Variants in SNTG2 observed in about 807,000 individuals in gnomAD.
The protein encoded by SNTG2 is gamma-2-syntrophin.
SNTG2 carries 74 observed loss-of-function variants against 70.9 expected under a neutral mutation model. The observed-to-expected ratio is 1.04, with a 90% CI of 0.86 to 1.27. The LOEUF (loss-of-function observed/expected upper bound fraction) is 1.27. SNTG2 is among the 50% of genes most tolerant of loss of function. The pLI is 0.00. For synonymous variants in SNTG2, 278 were observed against 273.8 expected, an observed-to-expected ratio of 1.02 and a Z score of -0.15; for missense variants, 717 against 690.7, an observed-to-expected ratio of 1.04 and a Z score of -0.43.
At chr2:1,140,669 GA>G (rs891134353) in intron 6 of SNTG2, among the ~76,000 whole-genome samples, 28 of 152,302 alleles carry the variant, frequency 1.8e-4, no homozygotes, top group African/African-American at 6.7e-4. Context: ...ATCACCCCAG[GA>G]TATCTCAGCG....
At chr2:1,304,103 A>G (rs945658004) in intron 14 of SNTG2, among the ~76,000 whole-genome samples, 1 of 152,250 alleles carries the variant, frequency 6.6e-6, no homozygotes, top group Non-Finnish European at 1.5e-5. Context: ...TGAAGCAAGC[A>G]TTAATTACCC....
intron 6 of SNTG2, among the ~76,000 whole-genome samples, chr2:1,158,856 G>A (rs1300603808): frequency 4.6e-5 from 7 of 152,194 alleles, no homozygotes; most frequent in African/African-American, 1.7e-4. Context: ...GGAGCACACC[G>A]GAAGACAGGA....
chr2:1,349,694 G>T (rs1660479720), intron 16 of SNTG2, among the ~76,000 whole-genome samples: 1 of 152,180 alleles, frequency 6.6e-6, no homozygotes, highest in African/African-American at 2.4e-5. Flanking sequence ...GGCAGTTTCA[G>T]TCTCTCTTGT....
intron 2 of SNTG2, among the ~76,000 whole-genome samples, chr2:1,087,731 C>T (rs961167874): frequency 1.3e-5 from 2 of 152,186 alleles, no homozygotes; most frequent in African/African-American, 4.8e-5. Context: ...CTTCAAAAGG[C>T]AGGCAATTAC....
intron 9 of SNTG2, among the ~76,000 whole-genome samples, chr2:1,211,642 G>C (rs1412946390): frequency 6.6e-6 from 1 of 152,190 alleles, no homozygotes; most frequent in Non-Finnish European, 1.5e-5. Flanking sequence ...CGGCAGGGAA[G>C]AGCATGTGTG....
intron 12 of SNTG2, among the ~76,000 whole-genome samples, chr2:1,259,155 A>G (rs886690514): frequency 2.0e-5 from 3 of 152,186 alleles, no homozygotes; most frequent in Admixed American, 1.3e-4. Context: ...TCGGTAAAGG[A>G]TCTATTATAT....
intron 8 of SNTG2, 31 bp downstream of exon 8, chr2:1,173,214 T>C (rs1156676154): frequency 1.1e-5 from 18 of 1,587,914 alleles, no homozygotes; most frequent in Non-Finnish European, 1.5e-5. Flanking sequence ...TAAATTTTAT[T>C]TTAACAGAAA....
At chr2:1,095,979 C>G (rs1329602684) in intron 2 of SNTG2, among the ~76,000 whole-genome samples, 1 of 152,178 alleles carries the variant, frequency 6.6e-6, no homozygotes, top group Non-Finnish European at 1.5e-5. Context: ...TGGCCATGAA[C>G]ACTACAGAAT....
At chr2:1,143,280 A>C (rs1054827061) in intron 6 of SNTG2, among the ~76,000 whole-genome samples, 12 of 152,186 alleles carry the variant, frequency 7.9e-5, no homozygotes, top group African/African-American at 2.9e-4. Context: ...CTCTGTAGTT[A>C]TAAGAAATAA....
At chr2:1,248,328 C>G (rs562769516) in intron 12 of SNTG2, among the ~76,000 whole-genome samples, 68 of 152,242 alleles carry the variant, frequency 4.5e-4, no homozygotes, top group Admixed American at 1.2e-3. Flanking sequence ...ATTTACACAA[C>G]TTACGTGGCC....
At chr2:1,339,983 G>A (rs1323766331) in intron 16 of SNTG2, among the ~76,000 whole-genome samples, 2 of 152,322 alleles carry the variant, frequency 1.3e-5, no homozygotes, top group South Asian at 2.1e-4. Flanking sequence ...AATCAAGCTG[G>A]GATGCAGCAC....
chr2:997,889 C>G (rs1388362294), intron 1 of SNTG2, among the ~76,000 whole-genome samples: 1 of 152,172 alleles, frequency 6.6e-6, no homozygotes, highest in Admixed American at 6.5e-5. Context: ...CTACACAACC[C>G]ATTACAAAAC....
rs757179638 is a variant in SNTG2 at position 1,347,972 on chromosome 2, C to CT, written c.1489-19359dup. On this transcript the variant is annotated intron_variant, in intron 16 of 16. Coordinates refer to ENST00000308624, the MANE Select transcript of SNTG2 (RefSeq NM_018968.4). ...TGGGTAAACAACTCAGAAACTGCCT[C>CT]TTTTTTTTTTTTAAGGTCCTTTTGT... is the stretch of plus-strand genomic sequence containing the variant. Among the ~76,000 whole-genome samples, 1,395 of 145,684 alleles carry CT rather than the reference C, an allele frequency of 9.6e-3. 25 individuals carry two copies. Among genetic ancestry groups the CT allele is most frequent in the African/African-American group, 0.03 (1,184 of 40,094 alleles).
Position 1,366,027 on chromosome 2 carries a change from A to G in SNTG2, c.1489-1316A>G, listed in dbSNP as rs1045330286. ...CTGCCTTTCGAGAGCTTAAAGGAGC[A>G]TGTCTGTGGAACTGACAGGCCTTAG... On this transcript the variant is annotated intron_variant, in intron 16 of 16. Transcript: ENST00000308624. 5.9e-5 allele frequency among the ~76,000 whole-genome samples: 8 copies of G among 135,674 alleles called. No homozygotes were observed. In the Admixed American group the frequency reaches 6.3e-4, roughly 11 times the overall value. The allele number at this position is 135,674 out of a possible 152,430, so 89.0% of individuals were successfully genotyped here. A position where few individuals can be genotyped will look rare whatever the true frequency, so the allele number is the denominator to read the frequency against.
intron 1 of SNTG2, among the ~76,000 whole-genome samples, chr2:1,070,034 CAG>C (rs1251485401): frequency 1.3e-5 from 2 of 152,030 alleles, no homozygotes; most frequent in Non-Finnish European, 2.9e-5. Flanking sequence ...GCAGTGACGT[CAG>C]TGTGCAGGGG....
chr2:1,203,475 T>TCATGAAACCC (rs149555659), intron 8 of SNTG2, among the ~76,000 whole-genome samples: 6,852 of 150,542 alleles, frequency 0.046, 264 homozygotes, highest in East Asian at 0.21. Flanking sequence ...CTGGCCAACA[T>TCATGAAACCC]CATGAAACCC....
intron 1 of SNTG2, among the ~76,000 whole-genome samples, chr2:984,285 A>C (rs1437617005): frequency 2.1e-5 from 3 of 146,056 alleles, no homozygotes; most frequent in South Asian, 2.1e-4. Context: ...TTAATAGCAC[A>C]CTTTCATGCA....
intron 8 of SNTG2, among the ~76,000 whole-genome samples, chr2:1,196,423 G>C (rs1207283049): frequency 6.6e-6 from 1 of 152,114 alleles, no homozygotes; most frequent in Non-Finnish European, 1.5e-5. Context: ...TTCCAGATGG[G>C]GAAGAGATGA....
chr2:1,028,094 T>G (rs970321206), intron 1 of SNTG2, among the ~76,000 whole-genome samples: 5 of 151,204 alleles, frequency 3.3e-5, no homozygotes, highest in African/African-American at 1.2e-4. Context: ...CCACAGGCAC[T>G]ACTCAGCAAG....
Sources: gnomAD v4.1 joint callset for allele counts (sites outside exome capture counted in the v4.1 genomes callset) on GRCh38, gnomAD v4.1.1 for gene constraint, MANE v1.5 for transcripts, NCBI Gene and HGNC (gene_info 2026-07-23, HGNC 2026-07-21) for gene names.